The following GPR158 variants were observed in gnomAD, a reference collection of about 807,000 sequenced individuals.
GPR158 encodes G protein-coupled receptor 158.
A neutral mutation model predicts 78.2 loss-of-function variants in GPR158; 30 were observed. That is an observed-to-expected ratio of 0.38 (90% CI 0.29 to 0.52). GPR158 has a LOEUF of 0.52. Among genes scored for constraint, GPR158 ranks in the 20% least tolerant of loss-of-function variants. The probability of loss-of-function intolerance (pLI) is 0.83; values close to 1 mark genes in which losing one functional copy is unlikely to be tolerated. For synonymous variants in GPR158, 581 were observed against 591.1 expected (o/e 0.98, Z 0.25); for missense variants, 1,463 against 1,523.5 (o/e 0.96, Z 0.66).
intron 5 of GPR158, among the ~76,000 whole-genome samples, chr10:25,510,322 T>C (rs1836068385): frequency 1.3e-5 from 2 of 152,206 alleles, no homozygotes; most frequent in African/African-American, 4.8e-5. Flanking sequence ...TAAAAAAGTA[T>C]ATACTATATA....
intron 2 of GPR158, among the ~76,000 whole-genome samples, chr10:25,286,604 GT>G (rs141588490): frequency 1.2e-4 from 18 of 150,970 alleles, no homozygotes; most frequent in African/African-American, 3.4e-4. Flanking sequence ...CAGTGTTGTT[GT>G]TTTTTTTTAT....
At chr10:25,287,517 A>C (rs575928633) in intron 2 of GPR158, among the ~76,000 whole-genome samples, 2 of 152,278 alleles carry the variant, frequency 1.3e-5, no homozygotes, top group Admixed American at 1.3e-4. Context: ...GGAAGTGAAG[A>C]AGAGCATGCA....
chr10:25,415,386 T>A (rs975400975), intron 4 of GPR158, among the ~76,000 whole-genome samples: 12 of 53,276 alleles, frequency 2.3e-4, no homozygotes, highest in Admixed American at 1.2e-3. Context: ...CCAAAGAAAA[T>A]ATATATATAT....
At chr10:25,292,882 C>A (rs12265174) in intron 2 of GPR158, among the ~76,000 whole-genome samples, 5,655 of 152,166 alleles carry the variant, frequency 0.037, 340 homozygotes, top group African/African-American at 0.13. Flanking sequence ...CTATATGGTT[C>A]ATTAAGAAAG....
chr10:25,577,761 G>A (rs1343770630), intron 7 of GPR158, among the ~76,000 whole-genome samples: 1 of 152,144 alleles, frequency 6.6e-6, no homozygotes, highest in African/African-American at 2.4e-5. Context: ...TTGAAGAAAT[G>A]ATTTTAAAAC....
chr10:25,423,200 C>A (rs1323088375), intron 4 of GPR158, among the ~76,000 whole-genome samples: 2 of 151,104 alleles, frequency 1.3e-5, no homozygotes, highest in Non-Finnish European at 2.9e-5. Flanking sequence ...TATATACACA[C>A]ACACACCACA....
chr10:25,586,835 G>T (rs533880512), intron 7 of GPR158, among the ~76,000 whole-genome samples: 1 of 152,304 alleles, frequency 6.6e-6, no homozygotes, highest in East Asian at 1.9e-4. Flanking sequence ...TTACTGTTAT[G>T]AAGAGTGTGT....
rs1836292977 is a variant in GPR158, at chr10:25,522,603, A to C, written c.1405-28373A>C. On this transcript the variant is annotated intron_variant, in intron 5 of 10. Coordinates refer to ENST00000376351, the MANE Select transcript of GPR158 (RefSeq NM_020752.3). ...ATGTAATTGAATTCACTATAAAGAC[A>C]GACCTGTGAGTTGCAGAAGGCTGAA... Among the ~76,000 whole-genome samples the C allele has an allele frequency of 1.3e-5, 2 of 152,254 alleles. 1 individual carries two copies. The highest frequency in any genetic ancestry group is 4.1e-4 in the South Asian group (2 of 4,836).
rs143791343 is a variant in GPR158, at chr10:25,392,894, C to T, written c.1009-3017C>T. On this transcript the variant is annotated intron_variant, in intron 2 of 10. Transcript: ENST00000376351. ...ATGAAAACAGTAGCACATTTGGTTC[C>T]GTACAGGCCCTGCTGTCTTGGAGGT... Among the ~76,000 whole-genome samples the T allele has an allele frequency of 6.3e-3, 960 of 152,164 alleles. 6 individuals carry two copies. The highest frequency in any genetic ancestry group is 9.8e-3 in the Non-Finnish European group (666 of 68,010).
intron 1 of GPR158, among the ~76,000 whole-genome samples, chr10:25,189,079 G>A (rs186166904): frequency 1.4e-4 from 21 of 152,228 alleles, no homozygotes; most frequent in African/African-American, 5.1e-4. Context: ...CAAAACCACA[G>A]TGAGATACCA....
At chr10:25,346,792 T>C (rs923901578) in intron 2 of GPR158, among the ~76,000 whole-genome samples, 3 of 151,962 alleles carry the variant, frequency 2.0e-5, no homozygotes, top group Admixed American at 1.3e-4. Flanking sequence ...ACTTCAACAA[T>C]TGATGAAAGA....
intron 7 of GPR158, among the ~76,000 whole-genome samples, chr10:25,573,384 A>G (rs1350492375): frequency 1.3e-5 from 2 of 152,212 alleles, no homozygotes; most frequent in Non-Finnish European, 2.9e-5. Context: ...GCTGACCTCA[A>G]AAGACAACTT....
chr10:25,494,249 G>A (rs1336039736), intron 5 of GPR158, among the ~76,000 whole-genome samples: 2 of 152,094 alleles, frequency 1.3e-5, no homozygotes, highest in African/African-American at 4.8e-5. Context: ...GTTTTGGATA[G>A]CATAAATCAA....
At chr10:25,340,425 A>T (rs1855286335) in intron 2 of GPR158, among the ~76,000 whole-genome samples, 1 of 152,240 alleles carries the variant, frequency 6.6e-6, no homozygotes, top group Admixed American at 6.5e-5. Flanking sequence ...TCAAATGTAT[A>T]TGTTAAACAG....
intron 3 of GPR158, among the ~76,000 whole-genome samples, chr10:25,406,089 G>A (rs986273987): frequency 9.9e-5 from 15 of 152,104 alleles, no homozygotes; most frequent in Admixed American, 8.5e-4. Flanking sequence ...AGCTACAGTA[G>A]ACAGTTACTA....
intron 2 of GPR158, among the ~76,000 whole-genome samples, chr10:25,319,732 C>A (rs939800403): frequency 9.9e-5 from 15 of 152,004 alleles, no homozygotes; most frequent in Middle Eastern, 3.2e-3. Context: ...TTATGTAAAA[C>A]ACTGAGAGTT....
intron 2 of GPR158, among the ~76,000 whole-genome samples, chr10:25,306,772 T>C (rs1455066836): frequency 1.3e-5 from 2 of 152,220 alleles, no homozygotes; most frequent in Admixed American, 1.3e-4. Flanking sequence ...TCAGATATAA[T>C]CAAGCATATA....
At chr10:25,317,078 C>T (rs1489387245) in intron 2 of GPR158, among the ~76,000 whole-genome samples, 1 of 150,308 alleles carries the variant, frequency 6.7e-6, no homozygotes, top group Non-Finnish European at 1.5e-5. Flanking sequence ...GACAAGGTCT[C>T]ACTCACCCAG....
rs113359370 is a variant in GPR158 at position 25,592,903 on chromosome 10, C to CAAAA, written c.1893-1373_1893-1370dup. Among the ~76,000 whole-genome samples the CAAAA allele has an allele frequency of 4.0e-4, 25 of 62,462 alleles. 1 individual carries two copies. Among genetic ancestry groups the CAAAA allele is most frequent in the South Asian group, 1.8e-3 (3 of 1,630 alleles). The allele number at this position is 62,462 out of a possible 152,430, so 41.0% of individuals were successfully genotyped here. ...TGAGTGTAATGATCCTATTTCAATG[C>CAAAA]AAAAAAAAAAAAAAAAAAAGCCTGA... On this transcript the variant is annotated intron_variant, in intron 8 of 10. Coordinates refer to ENST00000376351, the MANE Select transcript of GPR158 (RefSeq NM_020752.3).
Sources: gnomAD v4.1 joint callset for allele counts (sites outside exome capture counted in the v4.1 genomes callset) on GRCh38, gnomAD v4.1.1 for gene constraint, MANE v1.5 for transcripts, NCBI Gene and HGNC (gene_info 2026-07-23, HGNC 2026-07-21) for gene names.